IL3RA: variants seen among roughly 807,000 people sequenced by gnomAD.
The protein encoded by IL3RA is interleukin 3 receptor subunit alpha.
IL3RA carries 73 observed loss-of-function variants against 52.3 expected under a neutral mutation model. The observed-to-expected ratio is 1.40, with a 90% CI of 1.16 to 1.70. The LOEUF (loss-of-function observed/expected upper bound fraction) is 1.70, where lower values mean the gene tolerates loss of function less well. Ranked by LOEUF, IL3RA falls within the 40% of genes most tolerant of loss-of-function variation. The pLI, the probability that IL3RA is intolerant of heterozygous loss-of-function variation, is 0.00. For missense variants in IL3RA, 664 were observed against 504.4 expected, an observed-to-expected ratio of 1.32 and a Z score of -3.03; for synonymous variants, 260 against 194.0, an observed-to-expected ratio of 1.34 and a Z score of -2.83.
At chrX:1,345,511 A>G in intron 3 of IL3RA, 77 bp downstream of exon 3, 1 of 1,048,234 alleles carries the variant, frequency 9.5e-7, no homozygotes. Flanking sequence ...ATTTTTTGAG[A>G]CGGAGTCTTG....
intron 3 of IL3RA, 46 bp downstream of exon 3, chrX:1,345,480 T>A: frequency 8.3e-7 from 1 of 1,205,316 alleles, no homozygotes; most frequent in Non-Finnish European, 1.1e-6. Flanking sequence ...TTTATTTATT[T>A]ATGTATTTAT....
At chrX:1,380,577 T>G (rs868505911) in intron 10 of IL3RA, among the ~76,000 whole-genome samples, 97 of 6,278 alleles carry the variant, frequency 0.015, no homozygotes, top group Admixed American at 0.022. Flanking sequence ...AGGGGGAGGG[T>G]GGGGGAGGGG....
chrX:1,381,710 A>G (rs1313774977), intron 11 of IL3RA, among the ~76,000 whole-genome samples: 3 of 150,248 alleles, frequency 2.0e-5, no homozygotes, highest in Admixed American at 6.7e-5. Context: ...ACGCCCAGCT[A>G]ATTTTGTATT....
At chrX:1,368,283 C>G (rs771289481) in intron 9 of IL3RA, among the ~76,000 whole-genome samples, 21 of 152,008 alleles carry the variant, frequency 1.4e-4, no homozygotes, top group African/African-American at 4.8e-4. Context: ...ACAAAAGGAT[C>G]GCCTCAGAGT....
intron 6 of IL3RA, among the ~76,000 whole-genome samples, chrX:1,355,913 C>G (rs1262616128): frequency 6.6e-6 from 1 of 151,984 alleles, no homozygotes; most frequent in African/African-American, 2.4e-5. Flanking sequence ...AGCTGCCAGT[C>G]CTTGGAAAAG....
At chrX:1,344,901 G>A (rs1187891789) in intron 2 of IL3RA, among the ~76,000 whole-genome samples, 1 of 149,280 alleles carries the variant, frequency 6.7e-6, no homozygotes, top group Non-Finnish European at 1.5e-5. Context: ...GGTGGCTCAT[G>A]CCTGTAATCC....
intron 7 of IL3RA, among the ~76,000 whole-genome samples, chrX:1,357,142 CAG>C (rs1406917636): frequency 6.6e-6 from 1 of 151,978 alleles, no homozygotes; most frequent in Non-Finnish European, 1.5e-5. Flanking sequence ...TTAGTAGAAA[CAG>C]AGTTTCATCA....
intron 6 of IL3RA, among the ~76,000 whole-genome samples, chrX:1,353,808 C>CT: frequency 6.8e-6 from 1 of 146,248 alleles, no homozygotes; most frequent in Non-Finnish European, 1.5e-5. Context: ...TCATGGGACC[C>CT]CCCCCATCAC....
intron 6 of IL3RA, among the ~76,000 whole-genome samples, chrX:1,353,217 A>ACCATGAGTC (rs1569521833): frequency 2.3e-4 from 6 of 26,186 alleles, no homozygotes; most frequent in African/African-American, 4.9e-4. Flanking sequence ...CATCATGGGT[A>ACCATGAGTC]ATAGGACCCC....
At position 1,343,032 on chromosome X, in the gene IL3RA, G is replaced by A. The variant is rs753924977; in HGVS notation, c.64+1203G>A. 3.9e-4 allele frequency among the ~76,000 whole-genome samples: 59 copies of A among 151,746 alleles called. No homozygotes were observed. In the East Asian group the frequency reaches 5.0e-3, roughly 13 times the overall value. On this transcript the variant is annotated intron_variant, in intron 2 of 11. Transcript: ENST00000331035. ...GGAGGTTGCAGTGAGCCTAGATCAC[G>A]CCATTGCACTCCAGCCTGGGCGACA...
chrX:1,362,448 CTG>C lies in IL3RA; in HGVS notation c.760-2688_760-2687del, dbSNP rs1485276004. Among the ~76,000 whole-genome samples the C allele has an allele frequency of 6.6e-5, 10 of 151,722 alleles. No individual in the cohort carries two copies. In the East Asian group the frequency reaches 1.4e-3, roughly 21 times the overall value. On this transcript the variant is annotated intron_variant, in intron 8 of 11. Coordinates refer to ENST00000331035, the MANE Select transcript of IL3RA (RefSeq NM_002183.4). ...CCCTTCTCTGTGTCTCTTTGTATCTCTGTCTCTCTCTGTTTCTATCTGTCTCT... is the reference window on the plus strand; with the variant it reads ...CCCTTCTCTGTGTCTCTTTGTATCTCTCTCTCTCTGTTTCTATCTGTCTCT...
At chrX:1,368,227 C>T (rs1292179108) in intron 9 of IL3RA, among the ~76,000 whole-genome samples, 1 of 151,786 alleles carries the variant, frequency 6.6e-6, no homozygotes, top group Admixed American at 6.6e-5. Context: ...CCACTGTGCT[C>T]CATCCAGCCT....
chrX:1,368,195 G>C (rs2088321220), intron 9 of IL3RA, among the ~76,000 whole-genome samples: 1 of 151,434 alleles, frequency 6.6e-6, no homozygotes, highest in Non-Finnish European at 1.5e-5. Context: ...GGAGGCGGAG[G>C]TTGCAGTGAG....
At chrX:1,381,143 G>A (rs371474674) in intron 11 of IL3RA, 39 bp downstream of exon 11, 24 of 1,592,804 alleles carry the variant, frequency 1.5e-5, no homozygotes, top group South Asian at 5.5e-5. Context: ...GTCTGGAGGC[G>A]TGGTGGCCAC....
chrX:1,356,146 GA>G (rs770969419), intron 6 of IL3RA, 74 bp from the exon 7 acceptor site: 44 of 919,600 alleles, frequency 4.8e-5, no homozygotes, highest in Non-Finnish European at 5.4e-5. Flanking sequence ...AGTATCTCCA[GA>G]AAAAAAAAGA....
In IL3RA at chrX:1,378,987, C is replaced by T. The variant is rs148637814; in HGVS notation, c.980+223C>T. ...CCTCCCAAGTAGCTGGGATTACAGGCACCCAGCAACACACCCAGCTAATTT... is the reference window on the plus strand; with the variant it reads ...CCTCCCAAGTAGCTGGGATTACAGGTACCCAGCAACACACCCAGCTAATTT... On this transcript the variant is annotated intron_variant, in intron 10 of 11. Coordinates refer to ENST00000331035, the MANE Select transcript of IL3RA (RefSeq NM_002183.4). 4.6e-3 allele frequency among the ~76,000 whole-genome samples: 684 copies of T among 148,368 alleles called. 30 individuals carry two copies. In the East Asian group the frequency reaches 0.099, roughly 22 times the overall value.
Position 1,365,175 on chromosome X carries a change from G to T in IL3RA, c.797G>T (p.Gly266Val). 6.2e-7 allele frequency: 1 copy of T among 1,611,206 alleles called. No individual in the cohort carries two copies. The highest frequency in any genetic ancestry group is 2.2e-5 in the East Asian group (1 of 44,812). The change falls in exon 9 of 12, where the codon GGA becomes GTA. Residue 266 changes from glycine to valine, a missense_variant. Transcript: ENST00000331035. ...DRTSFQLLNP[G>V]TYTVQIRARE... ...ACCTCCTTCCAGCTACTCAATCCTG[G>T]AACGTACACAGTACAAATAAGAGCC...
At chrX:1,368,581 G>A (rs1569527298) in intron 9 of IL3RA, among the ~76,000 whole-genome samples, 1 of 152,146 alleles carries the variant, frequency 6.6e-6, no homozygotes, top group East Asian at 1.9e-4. Flanking sequence ...GTTTGGAGTT[G>A]GGGTGTTTAA....
chrX:1,379,166 T>G (rs1418099336), intron 10 of IL3RA, among the ~76,000 whole-genome samples: 1 of 146,236 alleles, frequency 6.8e-6, no homozygotes, highest in African/African-American at 2.5e-5. Context: ...TTGTTATGAT[T>G]ATTATTATTT....
Sources: gnomAD v4.1 joint callset for allele counts (sites outside exome capture counted in the v4.1 genomes callset) on GRCh38, gnomAD v4.1.1 for gene constraint, MANE v1.5 for transcripts, NCBI Gene and HGNC (gene_info 2026-07-23, HGNC 2026-07-21) for gene names.